ROR1: variants seen among roughly 807,000 people sequenced by gnomAD.
The protein encoded by ROR1 is ROR family WNT receptor 1.
A neutral mutation model predicts 78.8 loss-of-function variants in ROR1; 19 were observed. The ratio of observed to expected loss-of-function variants is 0.24; its 90% CI spans 0.17 to 0.35. The LOEUF is 0.35. Among genes scored for constraint, ROR1 ranks in the 10% least tolerant of loss-of-function variants. The pLI, the probability that ROR1 is intolerant of heterozygous loss-of-function variation, is 1.00. For synonymous variants in ROR1, 386 were observed against 433.6 expected, an observed-to-expected ratio of 0.89 and a Z score of 1.36; for missense variants, 917 against 1,177.8, an observed-to-expected ratio of 0.78 and a Z score of 3.24.
rs1274632411 is a variant in ROR1 at position 63,963,059 on chromosome 1, C to T, written c.92-46246C>T. On this transcript the variant is annotated intron_variant, in intron 1 of 8. Transcript: ENST00000371079. ...TAGATAGACGATAGTGCCTGGTGTA[C>T]ACTAGACAGTGAGTTTCTCAGTTAT... Among the ~76,000 whole-genome samples the T allele has an allele frequency of 3.9e-5, 6 of 152,266 alleles. No individual in the cohort carries two copies. The East Asian group carries it at 1.2e-3, about 29-fold the overall frequency.
intron 1 of ROR1, among the ~76,000 whole-genome samples, chr1:63,969,635 G>C (rs11810499): frequency 6.6e-6 from 1 of 151,926 alleles, no homozygotes; most frequent in Non-Finnish European, 1.5e-5. Flanking sequence ...TCCAGTGTCC[G>C]AGCCAGAAAT....
At chr1:63,878,290 T>C (rs57389749) in intron 1 of ROR1, among the ~76,000 whole-genome samples, 1,901 of 152,310 alleles carry the variant, frequency 0.012, 49 homozygotes, top group African/African-American at 0.044. Flanking sequence ...CCTGAGTATT[T>C]GCAAGCGTTT....
chr1:64,118,317 T>C (rs1648392370), intron 4 of ROR1, among the ~76,000 whole-genome samples: 2 of 152,172 alleles, frequency 1.3e-5, no homozygotes, highest in South Asian at 4.1e-4. Flanking sequence ...TTTAGCAGTA[T>C]AGCAAAATGG....
intron 1 of ROR1, among the ~76,000 whole-genome samples, chr1:63,797,235 A>T (rs1239989115): frequency 2.0e-5 from 3 of 152,202 alleles, no homozygotes; most frequent in Non-Finnish European, 2.9e-5. Context: ...TAATTAATTT[A>T]TGGATAAGGA....
chr1:64,108,511 T>C (rs934316046), intron 4 of ROR1: 3 of 149,448 alleles, frequency 2.0e-5, no homozygotes, highest in African/African-American at 7.4e-5. Flanking sequence ...AACCAGAACA[T>C]TCAAATTGCT....
At chr1:63,911,019 G>A (rs553498105) in intron 1 of ROR1, among the ~76,000 whole-genome samples, 2 of 152,190 alleles carry the variant, frequency 1.3e-5, no homozygotes, top group African/African-American at 2.4e-5. Context: ...CTTGAGAACT[G>A]CAGGAAGATT....
chr1:64,032,251 G>A (rs1260177173), intron 2 of ROR1, among the ~76,000 whole-genome samples: 1 of 146,078 alleles, frequency 6.8e-6, no homozygotes, highest in African/African-American at 2.5e-5. Flanking sequence ...TGAGGCAGGA[G>A]AATGGTGTGA....
intron 8 of ROR1, among the ~76,000 whole-genome samples, chr1:64,159,596 C>T (rs765916352): frequency 3.9e-5 from 6 of 152,118 alleles, no homozygotes; most frequent in Non-Finnish European, 5.9e-5. Context: ...AGAACCTTTT[C>T]GTTGCATAAT....
At chr1:63,796,087 T>A (rs1644758125) in intron 1 of ROR1, among the ~76,000 whole-genome samples, 1 of 152,208 alleles carries the variant, frequency 6.6e-6, no homozygotes, top group South Asian at 2.1e-4. Context: ...CCTGTATGTA[T>A]GTGCATATTT....
At chr1:64,086,721 T>C (rs1647158145) in intron 4 of ROR1, among the ~76,000 whole-genome samples, 1 of 152,194 alleles carries the variant, frequency 6.6e-6, no homozygotes, top group African/African-American at 2.4e-5. Context: ...ACCCATTAAA[T>C]AAGTGCTTTT....
intron 6 of ROR1, 126 bp from the exon 7 acceptor site, chr1:64,142,279 C>A: frequency 1.4e-6 from 2 of 1,449,970 alleles, no homozygotes; most frequent in South Asian, 2.7e-5. Flanking sequence ...TGGCCCCTGA[C>A]CAGCAGGGAA....
At chr1:64,172,833 A>T (rs1037083294) in intron 8 of ROR1, among the ~76,000 whole-genome samples, 5 of 152,212 alleles carry the variant, frequency 3.3e-5, no homozygotes, top group African/African-American at 1.2e-4. Context: ...CTTGAGGTCA[A>T]GCAGAGGTCA....
intron 1 of ROR1, among the ~76,000 whole-genome samples, chr1:63,803,216 A>G (rs1644806802): frequency 6.6e-6 from 1 of 152,234 alleles, no homozygotes; most frequent in East Asian, 1.9e-4. Context: ...TTTCGAGACA[A>G]ATAGTTTTAC....
chr1:64,042,696 G>GGGGGGGA (rs1646754170), intron 2 of ROR1, among the ~76,000 whole-genome samples: 2 of 152,160 alleles, frequency 1.3e-5, no homozygotes, highest in Non-Finnish European at 2.9e-5. Flanking sequence ...GCTATTTTCG[G>GGGGGGGA]CTGATTTTAT....
chr1:63,967,555 A>G (rs763031696), intron 1 of ROR1, among the ~76,000 whole-genome samples: 1 of 152,042 alleles, frequency 6.6e-6, no homozygotes, highest in Non-Finnish European at 1.5e-5. Flanking sequence ...CTCCTCCTCT[A>G]TCCCTACCAC....
chr1:63,877,046 A>G (rs997665978), intron 1 of ROR1, among the ~76,000 whole-genome samples: 1 of 152,164 alleles, frequency 6.6e-6, no homozygotes, highest in Non-Finnish European at 1.5e-5. Context: ...ACGAGGGCAC[A>G]CAATGATTAG....
intron 5 of ROR1, 58 bp from the exon 6 acceptor site, chr1:64,140,051 A>G (rs1649250940): frequency 3.3e-6 from 5 of 1,510,806 alleles, no homozygotes; most frequent in Non-Finnish European, 2.7e-6. Flanking sequence ...CGTTGACTAG[A>G]TAACCAAAGA....
At chr1:64,154,635 G>A (rs1649722249) in intron 7 of ROR1, among the ~76,000 whole-genome samples, 1 of 152,098 alleles carries the variant, frequency 6.6e-6, no homozygotes, top group Admixed American at 6.5e-5. Context: ...TCAAAGTATT[G>A]AATATCATTG....
intron 6 of ROR1, among the ~76,000 whole-genome samples, chr1:64,141,067 T>C (rs758376239): frequency 1.3e-5 from 2 of 152,166 alleles, no homozygotes; most frequent in East Asian, 1.9e-4. Context: ...TTAATAGATA[T>C]GGGGTTTCCT....
Sources: allele counts gnomAD v4.1 joint callset (sites outside exome capture counted in the v4.1 genomes callset), GRCh38; gene constraint gnomAD v4.1.1; transcripts MANE v1.5; gene names NCBI Gene and HGNC (gene_info 2026-07-23, HGNC 2026-07-21).